The following NIPAL1 variants were observed in gnomAD, a reference collection of about 807,000 sequenced individuals.
The protein encoded by NIPAL1 is magnesium transporter NIPA3.
Under a neutral mutation model 37.7 loss-of-function variants are expected in NIPAL1, and 35 were observed. The ratio of observed to expected loss-of-function variants is 0.93; its 90% CI spans 0.71 to 1.23. NIPAL1 has a LOEUF of 1.23. Among genes scored for constraint, NIPAL1 ranks in the 50% most tolerant of loss-of-function variants. NIPAL1 has a pLI of 0.00. For synonymous variants in NIPAL1, 162 were observed against 183.0 expected (o/e 0.89, Z 0.93); for missense variants, 412 against 473.9 (o/e 0.87, Z 1.21).
chr4:48,029,341 A>T (rs545229068), intron 2 of NIPAL1, among the ~76,000 whole-genome samples: 1 of 152,222 alleles, frequency 6.6e-6, no homozygotes, highest in Non-Finnish European at 1.5e-5. Flanking sequence ...CAAAAGCTGC[A>T]TGTTCTTACT....
chr4:48,023,250 A>G (rs1467003193), intron 1 of NIPAL1, among the ~76,000 whole-genome samples: 4 of 152,138 alleles, frequency 2.6e-5, no homozygotes. Flanking sequence ...TTTTCAAATT[A>G]CAGAGATAAA....
chr4:48,028,366 G>C (rs1487166485), intron 2 of NIPAL1, among the ~76,000 whole-genome samples: 1 of 151,990 alleles, frequency 6.6e-6, no homozygotes, highest in Non-Finnish European at 1.5e-5. Context: ...GAAAATTGTA[G>C]AACCATATAT....
Position 48,016,867 on chromosome 4 carries a change from G to T in NIPAL1, c.28G>T (p.Gly10Ter), listed in dbSNP as rs760734721. The change falls in exon 1 of 6, where the codon GGA becomes TGA. Residue 10 changes from glycine to a stop codon, truncating the protein, a stop_gained. Transcript: ENST00000295461. LOFTEE classifies it high-confidence loss of function. MGAQVRLPPGEPCREGYVLS... is the reference protein window; with the variant it reads MGAQVRLPP ...GGGGGCACAGGTGAGGCTGCCGCCC[G>T]GAGAGCCCTGCCGAGAAGGTTTGTG... is the stretch of plus-strand genomic sequence containing the variant. 1 of 1,594,496 alleles carries T rather than the reference G, an allele frequency of 6.3e-7. No individual in the cohort carries two copies. The highest frequency in any genetic ancestry group is 1.1e-5 in the South Asian group (1 of 88,332).
chr4:48,027,806 G>A lies in NIPAL1; in HGVS notation c.314-2314G>A, dbSNP rs1004798082. On this transcript the variant is annotated intron_variant, in intron 2 of 5. Coordinates refer to ENST00000295461, the MANE Select transcript of NIPAL1 (RefSeq NM_207330.3). The surrounding 1 kb of genome is among the most constrained non-coding windows in gnomAD (Gnocchi z 4.1). The stretch of plus-strand genomic sequence containing the variant: ...CAAAACAGAAACTTGATTTCAGCAT[G>A]ACAAGGTAGAGGTTAAGCAGAGTGC... Among the ~76,000 whole-genome samples the A allele has an allele frequency of 6.6e-6, 1 of 152,172 alleles. No homozygotes were observed. Among genetic ancestry groups the A allele is most frequent in the Non-Finnish European group, 1.5e-5 (1 of 68,020 alleles).
chr4:48,017,978 G>A (rs1290417485), intron 1 of NIPAL1, among the ~76,000 whole-genome samples: 1 of 151,400 alleles, frequency 6.6e-6, no homozygotes, highest in Non-Finnish European at 1.5e-5. Flanking sequence ...AAGTGAGCTC[G>A]TCCAAACCAT....
chr4:48,034,242 T>C (rs916968643), intron 4 of NIPAL1, among the ~76,000 whole-genome samples: 1 of 152,212 alleles, frequency 6.6e-6, no homozygotes, highest in Non-Finnish European at 1.5e-5. Flanking sequence ...ATGGGCTGCA[T>C]GTGGCCCAGG....
chr4:48,018,127 C>G (rs1715487744), intron 1 of NIPAL1, among the ~76,000 whole-genome samples: 1 of 152,090 alleles, frequency 6.6e-6, no homozygotes, highest in Non-Finnish European at 1.5e-5. Context: ...GCAATAACGC[C>G]TGAACAACTC....
rs774204089 is a variant in NIPAL1 at position 48,036,142 on chromosome 4, C to T, written c.1203C>T (p.Asp401=). Residue 401 remains aspartate, a synonymous_variant, in exon 6 of 6, where the codon GAC becomes GAT. Coordinates refer to ENST00000295461, the MANE Select transcript of NIPAL1 (RefSeq NM_207330.3). Reference sequence around the variant, plus strand: ...GTTCAGCCCCAGGATACAATGATGACGTTACCTTGTTTAGTAGAACTGATG... The same window carrying T: ...GTTCAGCCCCAGGATACAATGATGATGTTACCTTGTTTAGTAGAACTGATG... ...LECSAPGYND[D]VTLFSRTDD The T allele has an allele frequency of 1.7e-5, 27 of 1,606,748 alleles. No homozygotes were observed. The highest frequency in any genetic ancestry group is 1.7e-4 in the Middle Eastern group (1 of 6,026).
intron 1 of NIPAL1, among the ~76,000 whole-genome samples, chr4:48,022,781 C>G (rs1715599469): frequency 6.6e-6 from 1 of 151,978 alleles, no homozygotes; most frequent in African/African-American, 2.4e-5. Context: ...TGAAAATTTG[C>G]AGCATCAGCC....
chr4:48,022,912 C>T (rs946643750), intron 1 of NIPAL1, among the ~76,000 whole-genome samples: 1 of 152,022 alleles, frequency 6.6e-6, no homozygotes, highest in African/African-American at 2.4e-5. Context: ...CATTTAAACC[C>T]AGGAGGTCAA....
In NIPAL1 at chr4:48,035,997, T is replaced by C. The variant is rs1223779377; in HGVS notation, c.1058T>C (p.Leu353Pro). The C allele has an allele frequency of 6.2e-7, 1 of 1,613,532 alleles. No individual in the cohort carries two copies. The highest frequency in any genetic ancestry group is 1.1e-5 in the South Asian group (1 of 90,992). ...TTCACTATTATCATTGGCATCTTCC[T>C]TCTACATGCTTTTAAAAATACTGAC... ...GFFTIIIGIF[L>P]LHAFKNTDIT... The change falls in exon 6 of 6, where the codon CTT (leucine) becomes CCT (proline). Residue 353 changes from leucine (L) to proline (P), a missense_variant. Transcript: ENST00000295461.
intron 2 of NIPAL1, among the ~76,000 whole-genome samples, chr4:48,025,690 A>G (rs1715670291): frequency 6.6e-6 from 1 of 152,214 alleles, no homozygotes; most frequent in East Asian, 1.9e-4. Flanking sequence ...CCTGTCAGCA[A>G]TAAAAAAGAA....
intron 1 of NIPAL1, among the ~76,000 whole-genome samples, chr4:48,024,231 G>A (rs1383056757): frequency 1.3e-5 from 2 of 152,086 alleles, no homozygotes; most frequent in Non-Finnish European, 2.9e-5. Context: ...CACCCGCCTT[G>A]GCCACCCAAA....
Position 48,039,423 on chromosome 4 carries a change from C to CTTAACTGG in NIPAL1, c.*3253_*3260dup. On this transcript the variant is annotated 3_prime_UTR_variant, in exon 6 of 6. Transcript: ENST00000295461. ...GGACCCCTATATTCAGACTATTAGT[C>CTTAACTGG]TTAACTGGTAGTTTATGTATATATT... 1 of 151,918 alleles carries CTTAACTGG rather than the reference C, an allele frequency of 6.6e-6. No homozygotes were observed. The highest frequency in any genetic ancestry group is 2.1e-4 in the South Asian group (1 of 4,812). 9.4% of individuals were successfully genotyped at this position (151,918 alleles called of 1,614,324 possible).
intron 2 of NIPAL1, among the ~76,000 whole-genome samples, chr4:48,029,578 A>C (rs1715777519): frequency 6.6e-6 from 1 of 152,214 alleles, no homozygotes. Flanking sequence ...TATTTTAAAA[A>C]TCAGGAAAAA....
chr4:48,038,510 A>C lies in NIPAL1; in HGVS notation c.*2338A>C, dbSNP rs982193995. The C allele has an allele frequency of 6.6e-6, 1 of 152,200 alleles. No individual in the cohort carries two copies. Among genetic ancestry groups the C allele is most frequent in the Non-Finnish European group, 1.5e-5 (1 of 68,066 alleles). 9.4% of individuals were successfully genotyped at this position (152,200 alleles called of 1,614,324 possible). ...AAATGTAAAAAACATCAAGAGGCTG[A>C]GTCAGGAGGATCATTTGAGCTTAGG... On this transcript the variant is annotated 3_prime_UTR_variant, in exon 6 of 6. Transcript: ENST00000295461.
chr4:48,024,964 T>C (rs555416362), intron 1 of NIPAL1, 104 bp from the exon 2 acceptor site: 18 of 965,016 alleles, frequency 1.9e-5, no homozygotes, highest in Non-Finnish European at 2.7e-5. Flanking sequence ...TGTAGTAAAA[T>C]GTTTCAGTAC....
Position 48,039,060 on chromosome 4 carries a change from T to A in NIPAL1, c.*2888T>A, listed in dbSNP as rs796112640. ...TTGTTGCAAATCTAACACTAAAAAA[T>A]TTTTGACTGGGTGCAGTGGCTCACA... On this transcript the variant is annotated 3_prime_UTR_variant, in exon 6 of 6. Transcript: ENST00000295461. The A allele has an allele frequency of 6.6e-5, 10 of 151,996 alleles. No homozygotes were observed. The highest frequency in any genetic ancestry group is 2.4e-4 in the African/African-American group (10 of 41,428). The allele number at this position is 151,996 out of a possible 1,614,324, so 9.4% of individuals were successfully genotyped here. A position where few individuals can be genotyped will look rare whatever the true frequency, so the allele number is the denominator to read the frequency against.
intron 1 of NIPAL1, among the ~76,000 whole-genome samples, chr4:48,020,498 T>C (rs1049721576): frequency 6.6e-6 from 1 of 152,218 alleles, no homozygotes; most frequent in African/African-American, 2.4e-5. Flanking sequence ...CTGATCTAGA[T>C]GGGGCTCACC....
Sources: gnomAD v4.1 joint callset for allele counts (sites outside exome capture counted in the v4.1 genomes callset) on GRCh38, gnomAD v4.1.1 for gene constraint, Gnocchi (gnomAD v3.1) non-coding constraint, MANE v1.5 for transcripts, NCBI Gene and HGNC (gene_info 2026-07-23, HGNC 2026-07-21) for gene names.